TIAM2: variants seen among roughly 807,000 people sequenced by gnomAD.
TIAM2 encodes the protein TIAM Rac1 associated GEF 2.
In TIAM2, 80 loss-of-function variants were observed where a neutral mutation model predicts 152.9. The ratio of observed to expected loss-of-function variants is 0.52; its 90% CI spans 0.44 to 0.63. TIAM2 has a LOEUF of 0.63. Among genes scored for constraint, TIAM2 ranks in the 30% least tolerant of loss-of-function variants. The probability of loss-of-function intolerance (pLI) is 0.00; values close to 1 mark genes in which losing one functional copy is unlikely to be tolerated. For missense variants in TIAM2, 1,965 were observed against 2,120.1 expected (o/e 0.93, Z 1.44); for synonymous variants, 804 against 838.0 (o/e 0.96, Z 0.70).
chr6:155,160,449 C>A (rs990541657), intron 7 of TIAM2, among the ~76,000 whole-genome samples: 5 of 152,132 alleles, frequency 3.3e-5, no homozygotes, highest in African/African-American at 1.2e-4. Context: ...CCAGAACATC[C>A]TTGGAGACAC....
At chr6:155,112,635 C>T (rs62427107) in intron 2 of TIAM2, among the ~76,000 whole-genome samples, 3,098 of 152,250 alleles carry the variant, frequency 0.02, 38 homozygotes, top group Middle Eastern at 0.058. Flanking sequence ...CTCCTGAACT[C>T]CAGACTGGTA....
rs1781151241 is a variant in TIAM2, at chr6:155,189,787, C to T, written c.3064+6287C>T. ...AGAGGTGGGATTTCCACTAATTTTT[C>T]TGTTTTACAAGAGCAAAGGCACCCA... On this transcript the variant is annotated intron_variant, in intron 14 of 26. Transcript: ENST00000682666. Among the ~76,000 whole-genome samples, 3 of 152,058 alleles carry T rather than the reference C, an allele frequency of 2.0e-5. No homozygotes were observed. In the South Asian group the frequency reaches 6.2e-4, roughly 32 times the overall value.
At chr6:155,044,210 G>C (rs1047803018) in intron 1 of TIAM2, among the ~76,000 whole-genome samples, 18 of 152,110 alleles carry the variant, frequency 1.2e-4, no homozygotes, top group African/African-American at 3.4e-4. Context: ...AATACAAGAG[G>C]TCACTCGTCC....
At chr6:155,233,467 C>G (rs1030070347) in intron 15 of TIAM2, among the ~76,000 whole-genome samples, 1 of 152,114 alleles carries the variant, frequency 6.6e-6, no homozygotes, top group East Asian at 1.9e-4. Flanking sequence ...GCTGCTTGAT[C>G]GTCCTAAGCA....
chr6:155,017,418 G>A (rs1235423518), intron 1 of TIAM2, among the ~76,000 whole-genome samples: 1 of 151,908 alleles, frequency 6.6e-6, no homozygotes, highest in Admixed American at 6.6e-5. Flanking sequence ...AGAGCTGAGA[G>A]CTTGGGTGGG....
chr6:155,214,893 G>A lies in TIAM2; in HGVS notation c.3168+3586G>A, dbSNP rs914828780. ...TGGGCTCAAGAGATCCTACTGCCCC[G>A]GCCTCCTGAAGTACTGGAATTACAG... On this transcript the variant is annotated intron_variant, in intron 15 of 26. Transcript: ENST00000682666. This position sits in a 1 kb window ranked among gnomAD's most constrained non-coding sequence, Gnocchi z 5.4. Among the ~76,000 whole-genome samples the A allele has an allele frequency of 6.6e-6, 1 of 152,070 alleles. No homozygotes were observed. Among genetic ancestry groups the A allele is most frequent in the African/African-American group, 2.4e-5 (1 of 41,406 alleles).
intron 9 of TIAM2, 100 bp downstream of exon 9, chr6:155,165,509 A>G (rs73795328): frequency 0.12 from 176,021 of 1,489,724 alleles, 11,469 homozygotes; most frequent in Non-Finnish European, 0.13. Flanking sequence ...TCTGTTAAGA[A>G]TGAAATGAGG....
At chr6:155,153,422 C>T (rs1780021312) in intron 7 of TIAM2, among the ~76,000 whole-genome samples, 1 of 151,454 alleles carries the variant, frequency 6.6e-6, no homozygotes, top group African/African-American at 2.4e-5. Flanking sequence ...GGTGGGGCAA[C>T]ACAGCAAGAC....
chr6:155,207,757 T>C (rs1781628579), intron 14 of TIAM2, among the ~76,000 whole-genome samples: 1 of 152,214 alleles, frequency 6.6e-6, no homozygotes, highest in Middle Eastern at 3.2e-3. Flanking sequence ...AAGGGGTCAG[T>C]ATTCTCTTAC....
chr6:155,144,768 A>G lies in TIAM2; in HGVS notation c.1793A>G (p.Tyr598Cys), dbSNP rs199970093. The G allele has an allele frequency of 1.5e-4, 239 of 1,609,394 alleles. No individual in the cohort carries two copies. The highest frequency in any genetic ancestry group is 3.3e-5 in the Non-Finnish European group (39 of 1,178,398). Reference protein sequence around the residue: ...FCLSNSFGDVYLFQATSQTDL... With the variant: ...FCLSNSFGDVCLFQATSQTDL... ...CTCAGCAACTCCTTTGGAGATGTCT[A>G]CCTTTTCCAGGTACTGCTGGTACTT... Residue 598 changes from tyrosine (Y) to cysteine (C), a missense_variant, in exon 6 of 27, where the codon TAC becomes TGC. By Grantham distance (194) the Tyr-to-Cys change is radical (BLOSUM62 -2). Transcript: ENST00000682666.
chr6:155,039,135 T>C (rs139893018), intron 1 of TIAM2, among the ~76,000 whole-genome samples: 2,683 of 151,662 alleles, frequency 0.018, 38 homozygotes, highest in Admixed American at 0.029. Context: ...TAACTTTCAT[T>C]TTTTTGTGTG....
Position 155,164,580 on chromosome 6 carries a change from G to T in TIAM2, c.2194G>T (p.Val732Phe). ...CCTCGGCAGGCTGGGCATCTTGTCT[G>T]TTTCCTCTTTCCATGCTCTGGTAAG... The part of the protein sequence containing the change: ...LALGRLGILS[V>F]SSFHALVCSR... Residue 732 changes from valine (V) to phenylalanine (F), a missense_variant, in exon 8 of 27, where the codon GTT (valine) becomes TTT (phenylalanine). Physicochemically the swap from Val to Phe is conservative, Grantham distance 50. Around this residue, in one of 3 missense-constraint regions of TIAM2, gnomAD observed 1,025 missense variants for 1,119.4 expected, o/e 0.92. Transcript: ENST00000682666. The T allele has an allele frequency of 6.2e-7, 1 of 1,613,262 alleles. No individual in the cohort carries two copies.
chr6:155,203,887 C>T (rs1781538236), intron 14 of TIAM2, among the ~76,000 whole-genome samples: 1 of 152,154 alleles, frequency 6.6e-6, no homozygotes, highest in Admixed American at 6.5e-5. Flanking sequence ...TCCTCTGATG[C>T]CACTTGATTC....
rs1776744428 is a variant in TIAM2, at chr6:155,029,390, TATATACTATAG to T, written c.-209+33899_-209+33909del. ...TATATACTATATATACTATGTTATA[TATATACTATAG>T]TATATATAATATATACTATATATAC... is the stretch of plus-strand genomic sequence containing the variant. On this transcript the variant is annotated intron_variant, in intron 1 of 26. Transcript: ENST00000682666. Among the ~76,000 whole-genome samples, 2 of 105,308 alleles carry T rather than the reference TATATACTATAG, an allele frequency of 1.9e-5. 1 individual carries two copies. Among genetic ancestry groups the T allele is most frequent in the Admixed American group, 2.9e-4 (2 of 6,786 alleles). The allele number at this position is 105,308 out of a possible 152,430, so 69.1% of individuals were successfully genotyped here. A position where few individuals can be genotyped will look rare whatever the true frequency, so the allele number is the denominator to read the frequency against.
intron 1 of TIAM2, among the ~76,000 whole-genome samples, chr6:155,023,397 G>A (rs532722046): frequency 6.6e-6 from 1 of 152,310 alleles, no homozygotes; most frequent in South Asian, 2.1e-4. Flanking sequence ...AAACTTTGCA[G>A]TTTAATAACA....
In TIAM2 at chr6:155,070,209, C is replaced by CTTTTTTTTTTTTTTTT. The variant is rs559307371; in HGVS notation, c.-208-20066_-208-20051dup. Among the ~76,000 whole-genome samples the CTTTTTTTTTTTTTTTT allele has an allele frequency of 9.1e-5, 4 of 44,146 alleles. 1 individual carries two copies. Among genetic ancestry groups the CTTTTTTTTTTTTTTTT allele is most frequent in the African/African-American group, 4.8e-4 (4 of 8,322 alleles). 29.0% of individuals were successfully genotyped at this position (44,146 alleles called of 152,430 possible). On this transcript the variant is annotated intron_variant, in intron 1 of 26. Transcript: ENST00000682666. Reference sequence around the variant, plus strand: ...GTATGAGCCACCGCGCCTGGCCAGACTTTTTTTTTTTTTTTTTTTTTTTTT... The same window carrying CTTTTTTTTTTTTTTTT: ...GTATGAGCCACCGCGCCTGGCCAGACTTTTTTTTTTTTTTTTTTTTTTTTTTTTTTTTTTTTTTTTT...
At chr6:155,064,885 T>TC (rs1777656107) in intron 1 of TIAM2, among the ~76,000 whole-genome samples, 1 of 151,556 alleles carries the variant, frequency 6.6e-6, no homozygotes, top group Admixed American at 6.6e-5. Context: ...CCTTCCTTTC[T>TC]CCCCTCCTCT....
Position 155,256,880 on chromosome 6 carries a change from G to A in TIAM2, c.4865G>A (p.Gly1622Glu), listed in dbSNP as rs753377139. The A allele has an allele frequency of 1.2e-6, 2 of 1,614,094 alleles. No individual in the cohort carries two copies. The highest frequency in any genetic ancestry group is 1.1e-5 in the South Asian group (1 of 91,088). ...GPESGEGQKG[G>E]EQPKLVRGHF... ...GAGTCGGGTGAGGGTCAGAAAGGAG[G>A]AGAGCAGCCCAAACTGGTCCGGGGG... The change falls in exon 27 of 27, where the codon GGA (glycine) becomes GAA (glutamate). Residue 1622 changes from glycine to glutamate, a missense_variant. Physicochemically the swap from Gly to Glu is moderately conservative, Grantham distance 98. Coordinates refer to ENST00000682666, the MANE Select transcript of TIAM2 (RefSeq NM_012454.4).
At chr6:155,240,754 T>C (rs1341759868) in intron 16 of TIAM2, 45 bp downstream of exon 16, 12 of 1,567,238 alleles carry the variant, frequency 7.7e-6, no homozygotes, top group Non-Finnish European at 1.0e-5. Flanking sequence ...TCTTTGATGA[T>C]GGCAAGTGGT....
Sources: allele counts gnomAD v4.1 joint callset (sites outside exome capture counted in the v4.1 genomes callset), GRCh38; gene constraint gnomAD v4.1.1; regional missense constraint gnomAD v4.1.1; non-coding constraint Gnocchi (gnomAD v3.1); transcripts MANE v1.5; gene names NCBI Gene and HGNC (gene_info 2026-07-23, HGNC 2026-07-21).